Variants in DRC1 observed in about 807,000 individuals in gnomAD.
The protein encoded by DRC1 is dynein regulatory complex protein 1.
DRC1 carries 74 observed loss-of-function variants against 98.7 expected under a neutral mutation model. The ratio of observed to expected loss-of-function variants is 0.75; its 90% CI spans 0.62 to 0.91. The LOEUF (loss-of-function observed/expected upper bound fraction) is 0.91. Among genes scored for constraint, DRC1 ranks in the 40% least tolerant of loss-of-function variants. The probability of loss-of-function intolerance (pLI) is 0.00; values close to 1 mark genes in which losing one functional copy is unlikely to be tolerated. For synonymous variants in DRC1, 336 were observed against 334.1 expected, an observed-to-expected ratio of 1.01 and a Z score of -0.06; for missense variants, 875 against 886.0, an observed-to-expected ratio of 0.99 and a Z score of 0.16.
intron 12 of DRC1, 31 bp downstream of exon 12, chr2:26,450,116 T>C (rs1429195409): frequency 6.3e-7 from 1 of 1,595,746 alleles, no homozygotes; most frequent in African/African-American, 1.3e-5. Context: ...AGGACACGGG[T>C]GGGGCTGCAG....
At chr2:26,441,847 C>T (rs186706928) in intron 8 of DRC1, among the ~76,000 whole-genome samples, 4 of 152,316 alleles carry the variant, frequency 2.6e-5, no homozygotes, top group African/African-American at 7.2e-5. Flanking sequence ...AACCCTTCAA[C>T]GGACCCTGCT....
intron 13 of DRC1, among the ~76,000 whole-genome samples, chr2:26,452,615 G>A (rs964552403): frequency 1.3e-5 from 2 of 152,134 alleles, no homozygotes; most frequent in African/African-American, 2.4e-5. Flanking sequence ...TGTTTGAAAT[G>A]GCAGAAGATT....
intron 1 of DRC1, among the ~76,000 whole-genome samples, chr2:26,407,849 C>T (rs1425705238): frequency 2.6e-5 from 4 of 152,146 alleles, no homozygotes; most frequent in Admixed American, 6.5e-5. Context: ...GTTAAATCTC[C>T]ACCCCAAAGT....
In DRC1 at chr2:26,439,969, A is replaced by G. The variant is rs961277428; in HGVS notation, c.889-409A>G. ...CACATACACACACACACACATATAT[A>G]TATACACACATATATATATTTGTGT... On this transcript the variant is annotated intron_variant, in intron 7 of 16. Transcript: ENST00000288710. Among the ~76,000 whole-genome samples the G allele has an allele frequency of 5.6e-5, 8 of 143,428 alleles. 1 individual carries two copies. Among genetic ancestry groups the G allele is most frequent in the Admixed American group, 5.5e-4 (8 of 14,518 alleles). 94.1% of individuals were successfully genotyped at this position (143,428 alleles called of 152,430 possible).
rs1420959456 is a variant in DRC1, at chr2:26,448,736, T to A, written c.1442T>A (p.Leu481Gln). Residue 481 changes from leucine (L) to glutamine (Q), a missense_variant, in exon 11 of 17, where the codon CTG becomes CAG. Coordinates refer to ENST00000288710, the MANE Select transcript of DRC1 (RefSeq NM_145038.5). ...GCCGCCGCGGAACCAGAGTCCTACC[T>A]GGATTTGCCGAAGCAAATTTCTGAA... is the stretch of plus-strand genomic sequence containing the variant. ...EEAAAEPESY[L>Q]DLPKQISEKT... The A allele has an allele frequency of 2.5e-6, 4 of 1,614,124 alleles. No individual in the cohort carries two copies. Among genetic ancestry groups the A allele is most frequent in the Non-Finnish European group, 3.4e-6 (4 of 1,180,050 alleles).
At chr2:26,420,703 T>C (rs1663114831) in intron 2 of DRC1, among the ~76,000 whole-genome samples, 1 of 152,098 alleles carries the variant, frequency 6.6e-6, no homozygotes, top group Non-Finnish European at 1.5e-5. Context: ...CCAGGCCTCA[T>C]CATATTATGA....
At chr2:26,410,818 AACAAAAC>A (rs1678583101) in intron 1 of DRC1, among the ~76,000 whole-genome samples, 2 of 148,730 alleles carry the variant, frequency 1.3e-5, no homozygotes, top group Non-Finnish European at 2.9e-5. Context: ...AGTGAAACAA[AACAAAAC>A]ACAACAAAAC....
chr2:26,438,101 A>G (rs1299709546), intron 7 of DRC1, among the ~76,000 whole-genome samples: 2 of 151,456 alleles, frequency 1.3e-5, no homozygotes, highest in Non-Finnish European at 2.9e-5. Flanking sequence ...AAAAAAAAAA[A>G]AAAAAAAAAA....
rs758799000 is a variant in DRC1, at chr2:26,454,818, G to T, written c.2063+28G>T. 1.9e-6 allele frequency: 3 copies of T among 1,613,276 alleles called. No individual in the cohort carries two copies. The highest frequency in any genetic ancestry group is 1.7e-6 in the Non-Finnish European group (2 of 1,179,520). ...AAGTGTGCATGTCATGGAGCAGGAG[G>T]GTGCTGGCGGGCAGGTGAGGAACGG... On this transcript the variant is annotated intron_variant, in intron 15 of 16. Transcript: ENST00000288710. This position sits in a 1 kb window ranked among gnomAD's most constrained non-coding sequence, Gnocchi z 5.2.
At chr2:26,432,032 T>C in intron 7 of DRC1, 26 bp downstream of exon 7, 1 of 1,610,160 alleles carries the variant, frequency 6.2e-7, no homozygotes, top group East Asian at 2.2e-5. Context: ...CTCACTAGGG[T>C]GCCTGGGTGG....
At chr2:26,433,012 G>A (rs1663474899) in intron 7 of DRC1, among the ~76,000 whole-genome samples, 1 of 152,192 alleles carries the variant, frequency 6.6e-6, no homozygotes. Context: ...AAGCTTCTAA[G>A]AGCTAGAACT....
intron 8 of DRC1, among the ~76,000 whole-genome samples, chr2:26,441,765 T>C (rs1375431708): frequency 6.6e-6 from 1 of 152,162 alleles, no homozygotes; most frequent in Non-Finnish European, 1.5e-5. Context: ...TTGGGTTTGA[T>C]GCGTGTGGCT....
rs1160095811 is a variant in DRC1, at chr2:26,444,273, G to C, written c.1080G>C (p.Lys360Asn). The change falls in exon 9 of 17, where the codon AAG (lysine) becomes AAC (asparagine). Residue 360 changes from lysine (K) to asparagine (N), a missense_variant. By Grantham distance (94) the Lys-to-Asn change is moderately conservative. Coordinates refer to ENST00000288710, the MANE Select transcript of DRC1 (RefSeq NM_145038.5). ...NLRSKYAKQI[K>N]QFQEENQSLT... is the part of the protein sequence containing the mutation. ...GATCAAAATATGCCAAGCAAATAAA[G>C]CAGTTTCAGGAGGAGAACCAGTCTC... is the stretch of plus-strand genomic sequence containing the variant. 1.2e-6 allele frequency: 2 copies of C among 1,614,168 alleles called. No individual in the cohort carries two copies. The highest frequency in any genetic ancestry group is 1.7e-6 in the Non-Finnish European group (2 of 1,180,044).
At chr2:26,402,245 G>C in intron 1 of DRC1, 101 bp downstream of exon 1, 1 of 1,443,146 alleles carries the variant, frequency 6.9e-7, no homozygotes, top group Non-Finnish European at 9.1e-7. Context: ...GGTTCAGGCA[G>C]AGTATGGGAA....
At chr2:26,433,646 A>T (rs1443717531) in intron 7 of DRC1, among the ~76,000 whole-genome samples, 1 of 152,230 alleles carries the variant, frequency 6.6e-6, no homozygotes, top group Admixed American at 6.5e-5. Flanking sequence ...CCTTAATCCA[A>T]TGTCCAAATA....
At chr2:26,447,841 A>G (rs1268688004) in intron 10 of DRC1, among the ~76,000 whole-genome samples, 1 of 151,286 alleles carries the variant, frequency 6.6e-6, no homozygotes, top group East Asian at 2.0e-4. Flanking sequence ...TGCTGGGATT[A>G]CAGGCATGAG....
intron 1 of DRC1, among the ~76,000 whole-genome samples, chr2:26,402,600 T>C (rs899213088): frequency 2.0e-5 from 3 of 152,154 alleles, no homozygotes; most frequent in African/African-American, 7.2e-5. Flanking sequence ...TATTCCTAAG[T>C]GCGGGATGTA....
chr2:26,413,018 G>A (rs914935845), intron 1 of DRC1, among the ~76,000 whole-genome samples: 3 of 152,130 alleles, frequency 2.0e-5, no homozygotes, highest in African/African-American at 4.8e-5. Flanking sequence ...TCCTGACCTC[G>A]CGATCCACCC....
chr2:26,452,650 T>C (rs1664038357), intron 13 of DRC1, among the ~76,000 whole-genome samples: 1 of 152,238 alleles, frequency 6.6e-6, no homozygotes, highest in African/African-American at 2.4e-5. Context: ...TGTCCATTGT[T>C]GAGGAATCTA....
Sources: gnomAD v4.1 joint callset for allele counts (sites outside exome capture counted in the v4.1 genomes callset) on GRCh38, gnomAD v4.1.1 for gene constraint, Gnocchi (gnomAD v3.1) non-coding constraint, MANE v1.5 for transcripts, NCBI Gene and HGNC (gene_info 2026-07-23, HGNC 2026-07-21) for gene names.